TPRG1L: variants seen among roughly 807,000 people sequenced by gnomAD.
The protein encoded by TPRG1L is tumor protein p63 regulated 1 like.
A neutral mutation model predicts 29.4 loss-of-function variants in TPRG1L; 25 were observed. The observed-to-expected ratio is 0.85, with a 90% CI of 0.62 to 1.19. The LOEUF (loss-of-function observed/expected upper bound fraction) is 1.19, where lower values mean the gene tolerates loss of function less well. Ranked by LOEUF, TPRG1L falls within the 50% of genes most tolerant of loss-of-function variation. TPRG1L has a pLI of 0.00. For missense variants in TPRG1L, 354 were observed against 364.4 expected (o/e 0.97, Z 0.23); for synonymous variants, 182 against 151.1 (o/e 1.20, Z -1.50).
rs368900281 is a variant in TPRG1L, at chr1:3,628,773, C to T, written c.*170C>T. 7 of 591,892 alleles carry T rather than the reference C, an allele frequency of 1.2e-5. No individual in the cohort carries two copies. In the Admixed American group the frequency reaches 1.9e-4, roughly 16 times the overall value. 36.7% of individuals were successfully genotyped at this position (591,892 alleles called of 1,614,324 possible). A position where few individuals can be genotyped will look rare whatever the true frequency, so the allele number is the denominator to read the frequency against. On this transcript the variant is annotated 3_prime_UTR_variant, in exon 5 of 5. Transcript: ENST00000378344. The stretch of plus-strand genomic sequence containing the variant: ...TTAGGGATCTCAGCACAATTAGAAT[C>T]GTAAAGTGAATTCTATCTATTTAAT...
intron 3 of TPRG1L, 120 bp downstream of exon 3, chr1:3,626,009 A>C: frequency 2.1e-6 from 2 of 971,712 alleles, no homozygotes; most frequent in Non-Finnish European, 2.9e-6. Context: ...TATAAGCACA[A>C]AGGCTCCAGC....
chr1:3,628,251 C>T (rs1210296839), intron 4 of TPRG1L, among the ~76,000 whole-genome samples, 158 bp from the exon 5 acceptor site: 3 of 152,188 alleles, frequency 2.0e-5, no homozygotes, highest in Non-Finnish European at 4.4e-5. Flanking sequence ...AGTTGAGAGA[C>T]CCCCAGGATG....
rs1303219605 is a variant in TPRG1L, at chr1:3,628,856, C to T, written c.*253C>T. On this transcript the variant is annotated 3_prime_UTR_variant, in exon 5 of 5. Coordinates refer to ENST00000378344, the MANE Select transcript of TPRG1L (RefSeq NM_182752.4). ...ACAAAAGCCAAAAGACTCTCGCTGT[C>T]CCTGTGCTGCTGGTATTTCATTCTC... 4 of 376,108 alleles carry T rather than the reference C, an allele frequency of 1.1e-5. No homozygotes were observed. The highest frequency in any genetic ancestry group is 4.1e-5 in the African/African-American group (2 of 48,968). 23.3% of individuals were successfully genotyped at this position (376,108 alleles called of 1,614,324 possible).
intron 3 of TPRG1L, 80 bp downstream of exon 3, chr1:3,625,969 C>T: frequency 1.5e-6 from 2 of 1,357,174 alleles, no homozygotes; most frequent in Non-Finnish European, 1.0e-6. Context: ...AAATCAGCCC[C>T]CCAAGCGGTG....
chr1:3,626,305 T>G lies in TPRG1L; in HGVS notation c.470+416T>G, dbSNP rs544386644. On this transcript the variant is annotated intron_variant, in intron 3 of 4. Transcript: ENST00000378344. ...GAGAAATGGAGGGTCCCGTTGTAAT[T>G]TATAGATACCACTAAAAGACAAATT... Among the ~76,000 whole-genome samples the G allele has an allele frequency of 5.9e-5, 9 of 152,346 alleles. No homozygotes were observed. The East Asian group carries it at 1.7e-3, about 29-fold the overall frequency.
chr1:3,625,305 C>A, intron 1 of TPRG1L, 32 bp downstream of exon 1: 1 of 1,436,946 alleles, frequency 7.0e-7, no homozygotes, highest in Non-Finnish European at 9.1e-7. Flanking sequence ...GGGCGGGGGC[C>A]GAGGGCGCGG....
intron 4 of TPRG1L, 151 bp from the exon 5 acceptor site, chr1:3,628,258 G>T (rs1644502722): frequency 1.1e-5 from 7 of 658,786 alleles, no homozygotes; most frequent in Non-Finnish European, 1.8e-5. Flanking sequence ...AGACCCCCAG[G>T]ATGTGGCAGA....
At chr1:3,626,638 G>A (rs1035472888) in intron 3 of TPRG1L, among the ~76,000 whole-genome samples, 2 of 148,790 alleles carry the variant, frequency 1.3e-5, no homozygotes, top group Admixed American at 1.3e-4. Context: ...GGCACCAGTG[G>A]TGCAGTCTTG....
intron 3 of TPRG1L, among the ~76,000 whole-genome samples, chr1:3,626,190 C>T (rs922828611): frequency 4.6e-5 from 7 of 152,224 alleles, no homozygotes; most frequent in Admixed American, 3.3e-4. Context: ...CTTGGATGTT[C>T]TTCAGGAAAA....
Position 3,625,219 on chromosome 1 carries a change from C to G in TPRG1L, c.147C>G (p.Leu49=). Residue 49 remains leucine, a synonymous_variant, in exon 1 of 5, where the codon CTC becomes CTG. Transcript: ENST00000378344. ...CGCTGCGCCAGACACTCTGGCCTCTCAGCATCCACGACCCCACGCGCCGCG... is the reference window on the plus strand; with the variant it reads ...CGCTGCGCCAGACACTCTGGCCTCTGAGCATCCACGACCCCACGCGCCGCG... The part of the protein sequence containing the change: ...GTPLRQTLWP[L]SIHDPTRRAR... 1 of 1,345,170 alleles carries G rather than the reference C, an allele frequency of 7.4e-7. No homozygotes were observed. 83.3% of individuals were successfully genotyped at this position (1,345,170 alleles called of 1,614,324 possible).
At chr1:3,627,427 G>A (rs974193223) in intron 3 of TPRG1L, 73 bp from the exon 4 acceptor site, 1 of 1,560,786 alleles carries the variant, frequency 6.4e-7, no homozygotes, top group African/African-American at 1.4e-5. Context: ...CCTAACTGAT[G>A]AGACTGTCAG....
rs1483756788 is a variant in TPRG1L at position 3,628,676 on chromosome 1, G to C, written c.*73G>C. On this transcript the variant is annotated 3_prime_UTR_variant, in exon 5 of 5. Coordinates refer to ENST00000378344, the MANE Select transcript of TPRG1L (RefSeq NM_182752.4). ...CCCCAGAAGGCCAAGGGATGTGGGGGCTGGGGGACTGGGAGGCCTGGCAGT... is the reference window on the plus strand; with the variant it reads ...CCCCAGAAGGCCAAGGGATGTGGGGCCTGGGGGACTGGGAGGCCTGGCAGT... 1.6e-5 allele frequency: 24 copies of C among 1,456,560 alleles called. No individual in the cohort carries two copies. The highest frequency in any genetic ancestry group is 2.2e-5 in the Non-Finnish European group (24 of 1,078,796). The allele number at this position is 1,456,560 out of a possible 1,614,324, so 90.2% of individuals were successfully genotyped here. A position where few individuals can be genotyped will look rare whatever the true frequency, so the allele number is the denominator to read the frequency against.
At chr1:3,625,635 C>G in intron 2 of TPRG1L, 78 bp from the exon 3 acceptor site, 1 of 1,569,596 alleles carries the variant, frequency 6.4e-7, no homozygotes, top group East Asian at 2.3e-5. Flanking sequence ...GCCCCTGCTG[C>G]CCTTCCAGGC....
At position 3,628,440 on chromosome 1, in the gene TPRG1L, C is replaced by G; in HGVS notation, c.656C>G (p.Ala219Gly). Residue 219 changes from alanine to glycine, a missense_variant, in exon 5 of 5, where the codon GCT (alanine) becomes GGT (glycine). Coordinates refer to ENST00000378344, the MANE Select transcript of TPRG1L (RefSeq NM_182752.4). ...AGCTTCAAGGCTCTGTTAATCCAAG[C>G]TGTCAAAAAAGCCCAAAAAGAAAGC... The part of the protein sequence containing the change: ...LESFKALLIQ[A>G]VKKAQKESPL... 2 of 1,612,270 alleles carry G rather than the reference C, an allele frequency of 1.2e-6. No homozygotes were observed. The highest frequency in any genetic ancestry group is 1.7e-6 in the Non-Finnish European group (2 of 1,178,742).
At position 3,628,561 on chromosome 1, in the gene TPRG1L, G is replaced by A. The variant is rs775904863; in HGVS notation, c.777G>A (p.Ala259=). The A allele has an allele frequency of 6.4e-5, 104 of 1,612,540 alleles. No homozygotes were observed. Among genetic ancestry groups the A allele is most frequent in the Non-Finnish European group, 8.3e-5 (98 of 1,179,274 alleles). The change falls in exon 5 of 5, where the codon GCG becomes GCA. Residue 259 remains alanine, a synonymous_variant. Coordinates refer to ENST00000378344, the MANE Select transcript of TPRG1L (RefSeq NM_182752.4). ...TCATGTCCTTCATTAACAACGAGGC[G>A]AAACTGGGCTACTCCATGACCAGGG... ...VGLMSFINNE[A]KLGYSMTRGK...
In TPRG1L at chr1:3,625,422, A is replaced by T; in HGVS notation, c.202-2A>T. On this transcript the variant is annotated splice_acceptor_variant, in intron 1 of 4. Coordinates refer to ENST00000378344, the MANE Select transcript of TPRG1L (RefSeq NM_182752.4). LOFTEE classifies it high-confidence loss of function. ...CCGTCCCCCACCCCGCAACCCGCCC[A>T]GCCCGGCAGCATCGAGCAGGCAGTG... 1 of 1,574,488 alleles carries T rather than the reference A, an allele frequency of 6.4e-7. No individual in the cohort carries two copies. Among genetic ancestry groups the T allele is most frequent in the Non-Finnish European group, 8.7e-7 (1 of 1,155,808 alleles).
Position 3,625,758 on chromosome 1 carries a change from G to A in TPRG1L, c.339G>A (p.Thr113=), listed in dbSNP as rs150754299. The change falls in exon 3 of 5, where the codon ACG becomes ACA. Residue 113 remains threonine, a synonymous_variant. Coordinates refer to ENST00000378344, the MANE Select transcript of TPRG1L (RefSeq NM_182752.4). ...NNEKERLVLV[T]EQSLLICKYD... is the part of the protein sequence containing the mutation. ...AGAAGGAGCGGCTGGTGCTGGTCAC[G>A]GAGCAGTCCCTGCTTATCTGTAAAT... 47 of 1,613,278 alleles carry A rather than the reference G, an allele frequency of 2.9e-5. No homozygotes were observed. The highest frequency in any genetic ancestry group is 2.0e-4 in the South Asian group (18 of 91,080).
At position 3,625,855 on chromosome 1, in the gene TPRG1L, G is replaced by A; in HGVS notation, c.436G>A (p.Gly146Arg). The A allele has an allele frequency of 2.5e-6, 4 of 1,612,810 alleles. No homozygotes were observed. Among genetic ancestry groups the A allele is most frequent in the Non-Finnish European group, 3.4e-6 (4 of 1,179,974 alleles). ...CAACGCAGTAGACACCATTTCCTAC[G>A]GAGAATTCCAGTTTCCCCCTAAATC... ...ALNAVDTISYGEFQFPPKSLN... is the reference protein window; with the variant it reads ...ALNAVDTISYREFQFPPKSLN... The change falls in exon 3 of 5, where the codon GGA (glycine) becomes AGA (arginine). Residue 146 changes from glycine to arginine, a missense_variant. Gly to Arg is a moderately radical substitution (Grantham distance 125, BLOSUM62 -2). Coordinates refer to ENST00000378344, the MANE Select transcript of TPRG1L (RefSeq NM_182752.4).
rs1171500815 is a variant in TPRG1L, at chr1:3,627,621, G to A, written c.592G>A (p.Gly198Ser). The A allele has an allele frequency of 6.2e-7, 1 of 1,613,986 alleles. No homozygotes were observed. Among genetic ancestry groups the A allele is most frequent in the Admixed American group, 1.7e-5 (1 of 60,026 alleles). Residue 198 changes from glycine (G) to serine (S), a missense_variant, in exon 4 of 5, where the codon GGC (glycine) becomes AGC (serine). By Grantham distance (56) the Gly-to-Ser change is moderately conservative. Transcript: ENST00000378344. The stretch of plus-strand genomic sequence containing the variant: ...CACTTTCACAGAACACCCGATGGCT[G>A]GCGCAGATGAGAAGACAGCATCTCT... The part of the protein sequence containing the change: ...YATFTEHPMA[G>S]ADEKTASLCQ...
Sources: gnomAD v4.1 joint callset for allele counts (sites outside exome capture counted in the v4.1 genomes callset) on GRCh38, gnomAD v4.1.1 for gene constraint, MANE v1.5 for transcripts, NCBI Gene and HGNC (gene_info 2026-07-23, HGNC 2026-07-21) for gene names.